UGT2A1: variants seen among roughly 807,000 people sequenced by gnomAD.
The protein encoded by UGT2A1 is UDP-glucuronosyltransferase 2A1.
In UGT2A1, 61 loss-of-function variants were observed where a neutral mutation model predicts 45.4. The ratio of observed to expected loss-of-function variants is 1.34; its 90% CI spans 1.09 to 1.66. UGT2A1 has a LOEUF of 1.66. UGT2A1 is among the 40% of genes most tolerant of loss of function. The pLI is 0.00. For synonymous variants in UGT2A1, 229 were observed against 196.2 expected (o/e 1.17, Z -1.40); for missense variants, 649 against 574.3 (o/e 1.13, Z -1.33).
chr4:69,599,427 A>G (rs1271868553), intron 3 of UGT2A1, 33 bp from the exon 4 acceptor site: 2 of 1,605,992 alleles, frequency 1.2e-6, no homozygotes, highest in African/African-American at 2.7e-5. Flanking sequence ...GATGGAGGAA[A>G]TTAGCTTATA....
chr4:69,631,517 T>A (rs17680131), intron 3 of UGT2A1, among the ~76,000 whole-genome samples: 34,514 of 151,964 alleles, frequency 0.23, 4,188 homozygotes, highest in Middle Eastern at 0.26. Flanking sequence ...TAATGAGAAA[T>A]AGTTTAGTTA....
chr4:69,605,992 G>A lies in UGT2A1; in HGVS notation c.848-6598C>T, dbSNP rs1291072009. Among the ~76,000 whole-genome samples, 17 of 136,586 alleles carry A rather than the reference G, an allele frequency of 1.2e-4. 5 individuals carry two copies. Among genetic ancestry groups the A allele is most frequent in the African/African-American group, 4.8e-4 (16 of 33,674 alleles). 89.6% of individuals were successfully genotyped at this position (136,586 alleles called of 152,430 possible). A position where few individuals can be genotyped will look rare whatever the true frequency, so the allele number is the denominator to read the frequency against. ...GATTCACAGCTGAATTCTACCAGAA[G>A]TACAAGGAGGAGCTGGTACCATTCC... On this transcript the variant is annotated intron_variant, in intron 3 of 6. Coordinates refer to ENST00000286604, the MANE Select transcript of UGT2A1 (RefSeq NM_001252275.3).
At chr4:69,608,535 G>T (rs555663716) in intron 3 of UGT2A1, among the ~76,000 whole-genome samples, 39 of 151,542 alleles carry the variant, frequency 2.6e-4, no homozygotes, top group African/African-American at 9.5e-4. Context: ...TGCACGTTGT[G>T]TACATGTACC....
At position 69,615,135 on chromosome 4, in the gene UGT2A1, G is replaced by A. The variant is rs527421326; in HGVS notation, c.848-15741C>T. On this transcript the variant is annotated intron_variant, in intron 3 of 6. Transcript: ENST00000286604. ...GAATTACAATTCAACATGAGATTTGGATGAGGACACAGGAGACAAACCATA... is the reference window on the plus strand; with the variant it reads ...GAATTACAATTCAACATGAGATTTGAATGAGGACACAGGAGACAAACCATA... 2.6e-5 allele frequency among the ~76,000 whole-genome samples: 4 copies of A among 152,038 alleles called. No homozygotes were observed. The South Asian group carries it at 6.2e-4, about 24-fold the overall frequency.
rs748946078 is a variant in UGT2A1, at chr4:69,595,251, T to C, written c.997-2A>G. The stretch of plus-strand genomic sequence containing the variant: ...CTTTCCTTTGTATCTCCATAAAACC[T>C]GTGGAAAATGGTGCTTTAATTTTGC... On this transcript the variant is annotated splice_acceptor_variant, in intron 4 of 6. Coordinates refer to ENST00000286604, the MANE Select transcript of UGT2A1 (RefSeq NM_001252275.3). LOFTEE classifies it high-confidence loss of function. The C allele has an allele frequency of 1.2e-6, 2 of 1,613,326 alleles. No individual in the cohort carries two copies. The highest frequency in any genetic ancestry group is 1.7e-5 in the Admixed American group (1 of 59,886).
intron 3 of UGT2A1, among the ~76,000 whole-genome samples, chr4:69,603,024 G>A (rs972178568): frequency 7.4e-6 from 1 of 134,422 alleles, no homozygotes; most frequent in South Asian, 2.4e-4. Context: ...CCAAGATCAC[G>A]CCACTGCAAT....
At chr4:69,628,228 A>G (rs1406510635) in intron 3 of UGT2A1, among the ~76,000 whole-genome samples, 4 of 151,882 alleles carry the variant, frequency 2.6e-5, no homozygotes, top group Non-Finnish European at 5.9e-5. Flanking sequence ...TTAAAATCCC[A>G]CTGGCATTTT....
chr4:69,620,639 A>T (rs1010340082), intron 3 of UGT2A1, among the ~76,000 whole-genome samples: 16 of 147,292 alleles, frequency 1.1e-4, no homozygotes, highest in Middle Eastern at 6.9e-3. Flanking sequence ...ACTATTTTAA[A>T]ATATATATAT....
rs771317023 is a variant in UGT2A1, at chr4:69,589,194, T to C, written c.*178A>G. The C allele has an allele frequency of 6.4e-6, 5 of 784,380 alleles. No homozygotes were observed. Among genetic ancestry groups the C allele is most frequent in the Non-Finnish European group, 9.1e-6 (5 of 547,244 alleles). The allele number at this position is 784,380 out of a possible 1,614,324, so 48.6% of individuals were successfully genotyped here. On this transcript the variant is annotated 3_prime_UTR_variant, in exon 7 of 7. Coordinates refer to ENST00000286604, the MANE Select transcript of UGT2A1 (RefSeq NM_001252275.3). ...AAGACTATAACTCACAAGTTAATAA[T>C]AATCATGCCAAAATCTAGGCTTTAT...
At chr4:69,605,607 C>T (rs1232624243) in intron 3 of UGT2A1, among the ~76,000 whole-genome samples, 1 of 136,306 alleles carries the variant, frequency 7.3e-6, no homozygotes, top group Non-Finnish European at 1.6e-5. Context: ...ACACAAAAAA[C>T]CCTTTAAAAA....
intron 3 of UGT2A1, among the ~76,000 whole-genome samples, chr4:69,622,074 G>C (rs571797981): frequency 6.6e-6 from 1 of 151,788 alleles, no homozygotes; most frequent in South Asian, 2.1e-4. Flanking sequence ...TTAATACCTG[G>C]GTCATGGAAT....
At chr4:69,610,410 G>A (rs1429678765) in intron 3 of UGT2A1, among the ~76,000 whole-genome samples, 1 of 151,966 alleles carries the variant, frequency 6.6e-6, no homozygotes, top group Non-Finnish European at 1.5e-5. Context: ...AACTGTTAGG[G>A]CATTTTAGGT....
intron 3 of UGT2A1, among the ~76,000 whole-genome samples, chr4:69,620,858 T>C (rs1344308898): frequency 6.6e-6 from 1 of 151,624 alleles, no homozygotes; most frequent in African/African-American, 2.4e-5. Context: ...AACCATCAGA[T>C]CTTCTACAAA....
intron 3 of UGT2A1, among the ~76,000 whole-genome samples, chr4:69,620,280 T>G (rs578043473): frequency 1.2e-3 from 163 of 134,676 alleles, no homozygotes; most frequent in African/African-American, 4.7e-3. Flanking sequence ...AAAACTACAG[T>G]AAAGTTTCAG....
At position 69,632,815 on chromosome 4, in the gene UGT2A1, G is replaced by A. The variant is rs910410573; in HGVS notation, c.847+2876C>T. ...AGGCAGGAAAATCGCTTGAACCCAGGAGGCGGGGGTTGCAGTGAGCCGAGA... is the reference window on the plus strand; with the variant it reads ...AGGCAGGAAAATCGCTTGAACCCAGAAGGCGGGGGTTGCAGTGAGCCGAGA... On this transcript the variant is annotated intron_variant, in intron 3 of 6. Transcript: ENST00000286604. Among the ~76,000 whole-genome samples, 3 of 151,692 alleles carry A rather than the reference G, an allele frequency of 2.0e-5. No homozygotes were observed. The South Asian group carries it at 6.3e-4, about 32-fold the overall frequency.
chr4:69,618,827 T>A (rs1720566535), intron 3 of UGT2A1, among the ~76,000 whole-genome samples: 1 of 151,828 alleles, frequency 6.6e-6, no homozygotes, highest in African/African-American at 2.4e-5. Flanking sequence ...GAAACAACTA[T>A]TAAATGACAA....
Position 69,619,114 on chromosome 4 carries a change from C to T in UGT2A1, c.847+16577G>A, listed in dbSNP as rs183949583. ...TATTGATAGATACAATTTTAATATA[C>T]AGGCCACCTGATGTGCTTCATGCCT... On this transcript the variant is annotated intron_variant, in intron 3 of 6. Transcript: ENST00000286604. 1.8e-3 allele frequency among the ~76,000 whole-genome samples: 277 copies of T among 151,894 alleles called. 1 individual carries two copies. Among genetic ancestry groups the T allele is most frequent in the African/African-American group, 6.4e-3 (265 of 41,474 alleles).
chr4:69,615,834 A>G (rs543078228), intron 3 of UGT2A1, among the ~76,000 whole-genome samples: 6 of 151,824 alleles, frequency 4.0e-5, no homozygotes, highest in African/African-American at 1.4e-4. Context: ...TGCAGCCACT[A>G]TGGAGAAGAG....
At chr4:69,626,966 G>A (rs937507177) in intron 3 of UGT2A1, among the ~76,000 whole-genome samples, 6 of 151,066 alleles carry the variant, frequency 4.0e-5, no homozygotes, top group African/African-American at 9.7e-5. Context: ...TTCTGTTTTC[G>A]CTGCCTCAAA....
Sources: allele counts gnomAD v4.1 joint callset (sites outside exome capture counted in the v4.1 genomes callset), GRCh38; gene constraint gnomAD v4.1.1; transcripts MANE v1.5; gene names NCBI Gene and HGNC (gene_info 2026-07-23, HGNC 2026-07-21).